WBP2: variants seen among roughly 807,000 people sequenced by gnomAD.
WBP2 encodes the protein WW domain-binding protein 2.
WBP2 carries 23 observed loss-of-function variants against 33.0 expected under a neutral mutation model. The ratio of observed to expected loss-of-function variants is 0.70; its 90% CI spans 0.50 to 0.99. The LOEUF is 0.99. WBP2 is among the 50% of genes least tolerant of loss of function. The probability of loss-of-function intolerance (pLI) is 0.00; values close to 1 mark genes in which losing one functional copy is unlikely to be tolerated. For synonymous variants in WBP2, 153 were observed against 133.5 expected (o/e 1.15, Z -1.01); for missense variants, 353 against 358.0 (o/e 0.99, Z 0.11).
chr17:75,846,723 G>A lies in WBP2; in HGVS notation c.*11C>T, dbSNP rs1337136606. On this transcript the variant is annotated 3_prime_UTR_variant, in exon 8 of 8. Coordinates refer to ENST00000254806, the MANE Select transcript of WBP2 (RefSeq NM_012478.4). The surrounding 1 kb of genome is among the most constrained non-coding windows in gnomAD (Gnocchi z 4.8). ...GAGAGATGAGGGTGGGAGGCAGGGA[G>A]GCAGGAGGGCCTACTGGGTCTTCTT... 4 of 1,515,352 alleles carry A rather than the reference G, an allele frequency of 2.6e-6. No individual in the cohort carries two copies. The South Asian group carries it at 5.2e-5, about 20-fold the overall frequency. 93.9% of individuals were successfully genotyped at this position (1,515,352 alleles called of 1,614,324 possible).
chr17:75,848,513 AC>A lies in WBP2; in HGVS notation c.397+56del, dbSNP rs991993945. On this transcript the variant is annotated intron_variant, in intron 4 of 7. Coordinates refer to ENST00000254806, the MANE Select transcript of WBP2 (RefSeq NM_012478.4). ...CAAAACGAAAAGGAAGCAAACTCAT[AC>A]CAAACCCCTACATGTTTAGTGTGTC... 5 of 1,538,204 alleles carry A rather than the reference AC, an allele frequency of 3.3e-6. No individual in the cohort carries two copies. In the African/African-American group the frequency reaches 6.9e-5, roughly 21 times the overall value.
Position 75,850,419 on chromosome 17 carries a change from G to A in WBP2, c.169-680C>T, listed in dbSNP as rs572582574. Among the ~76,000 whole-genome samples, 36 of 152,116 alleles carry A rather than the reference G, an allele frequency of 2.4e-4. No homozygotes were observed. In the East Asian group the frequency reaches 6.0e-3, roughly 25 times the overall value. ...CGCCACCATGCCCGGCTAATTTTTT[G>A]TAGTTTTAGGAGAGATGGGGTTTCA... On this transcript the variant is annotated intron_variant, in intron 2 of 7. Transcript: ENST00000254806.
chr17:75,847,535 G>C lies in WBP2; in HGVS notation c.607C>G (p.Pro203Ala). Residue 203 changes from proline (P) to alanine (A), a missense_variant, in exon 6 of 8, where the codon CCC (proline) becomes GCC (alanine). Physicochemically the swap from Pro to Ala is conservative, Grantham distance 27 (BLOSUM62 -1). Transcript: ENST00000254806. ...VQPPPPPYPG[P>A]MEPPVSGPDV... ...GGGCCGCTGACCGGAGGTTCCATGG[G>C]CCCAGGGTAGGGCGGTGGTGGGGGC... 1 of 1,597,774 alleles carries C rather than the reference G, an allele frequency of 6.3e-7. No homozygotes were observed. The highest frequency in any genetic ancestry group is 2.2e-5 in the East Asian group (1 of 44,722).
chr17:75,855,177 C>CCCCCCCCCCCCCCCCCCAA, intron 1 of WBP2, 62 bp downstream of exon 1: 1 of 1,371,934 alleles, frequency 7.3e-7, no homozygotes, highest in African/African-American at 1.5e-5. Context: ...ACCCACCACC[C>CCCCCCCCCCCCCCCCCCAA]ACCGCCCACT....
chr17:75,848,676 G>A lies in WBP2; in HGVS notation c.305-14C>T, dbSNP rs750896698. Reference sequence around the variant, plus strand: ...CTTCCCAGCCACCTGAAAGGGGAAGGACAGTGAATAAACAGCACAGGAAAA... The same window carrying A: ...CTTCCCAGCCACCTGAAAGGGGAAGAACAGTGAATAAACAGCACAGGAAAA... On this transcript the variant is annotated splice_polypyrimidine_tract_variant and intron_variant, in intron 3 of 7. Transcript: ENST00000254806. The A allele has an allele frequency of 3.1e-6, 5 of 1,607,388 alleles. No individual in the cohort carries two copies. The highest frequency in any genetic ancestry group is 4.3e-6 in the Non-Finnish European group (5 of 1,175,098).
Position 75,849,635 on chromosome 17 carries a change from G to A in WBP2, c.273C>T (p.Tyr91=), listed in dbSNP as rs532103125. The change falls in exon 3 of 8, where the codon TAC becomes TAT. Residue 91 remains tyrosine, a synonymous_variant. Coordinates refer to ENST00000254806, the MANE Select transcript of WBP2 (RefSeq NM_012478.4). The part of the protein sequence containing the change: ...EIKQPVFGAN[Y]IKGTVKAEAG... ...CTTCCGCCTTCACTGTTCCCTTGAT[G>A]TAGTTTGCACCAAATACGGGCTGCT... The A allele has an allele frequency of 6.0e-5, 97 of 1,614,150 alleles. No individual in the cohort carries two copies. The South Asian group carries it at 8.8e-4, about 15-fold the overall frequency.
intron 2 of WBP2, among the ~76,000 whole-genome samples, chr17:75,850,240 CTTT>C (rs1293703254): frequency 2.3e-4 from 22 of 96,146 alleles, no homozygotes; most frequent in Admixed American, 8.7e-4. Flanking sequence ...TTTATTTTTT[CTTT>C]TCTTTTCTTT....
chr17:75,855,189 C>A, intron 1 of WBP2, 50 bp downstream of exon 1: 42 of 803,872 alleles, frequency 5.2e-5, no homozygotes, highest in Non-Finnish European at 7.6e-5. Flanking sequence ...CCGCCCACTT[C>A]CTCGACACCC....
Position 75,848,559 on chromosome 17 carries a change from A to G in WBP2, c.397+11T>C, listed in dbSNP as rs2065009227. The G allele has an allele frequency of 6.2e-7, 1 of 1,612,874 alleles. No homozygotes were observed. The highest frequency in any genetic ancestry group is 1.1e-5 in the South Asian group (1 of 90,956). ...TGTGTCTTTAGCCCCTAATCTTCGGAGCCTGGATACCTTGAGATGCCACCT... is the reference window on the plus strand; with the variant it reads ...TGTGTCTTTAGCCCCTAATCTTCGGGGCCTGGATACCTTGAGATGCCACCT... On this transcript the variant is annotated intron_variant, in intron 4 of 7. Transcript: ENST00000254806.
chr17:75,849,524 C>T (rs924280388), intron 3 of WBP2, 80 bp downstream of exon 3: 122 of 1,554,974 alleles, frequency 7.8e-5, no homozygotes, highest in South Asian at 1.7e-4. Flanking sequence ...CTGAAGGGGA[C>T]GCCCCCACGG....
At chr17:75,851,344 T>C (rs529188766) in intron 2 of WBP2, 5 of 432,454 alleles carry the variant, frequency 1.2e-5, no homozygotes, top group African/African-American at 7.9e-5. Flanking sequence ...GGCTCTGGAA[T>C]TGACATGGGT....
chr17:75,855,177 C>CCCCCCCCCCAA, intron 1 of WBP2, 62 bp downstream of exon 1: 3 of 1,371,930 alleles, frequency 2.2e-6, no homozygotes, highest in Non-Finnish European at 3.1e-6. Flanking sequence ...ACCCACCACC[C>CCCCCCCCCCAA]ACCGCCCACT....
intron 2 of WBP2, among the ~76,000 whole-genome samples, chr17:75,850,227 G>A (rs1349449909): frequency 1.3e-5 from 2 of 149,472 alleles, no homozygotes; most frequent in Non-Finnish European, 3.0e-5. Context: ...GAAACCCTTG[G>A]GTTTTATTTT....
At chr17:75,847,107 G>T in intron 6 of WBP2, 123 bp from the exon 7 acceptor site, 1 of 1,082,850 alleles carries the variant, frequency 9.2e-7, no homozygotes, top group Non-Finnish European at 1.4e-6. Context: ...ACCAATGAGA[G>T]CAGCAGGTGA....
chr17:75,848,479 T>C, intron 4 of WBP2, 91 bp downstream of exon 4: 2 of 1,299,568 alleles, frequency 1.5e-6, no homozygotes, highest in Non-Finnish European at 2.2e-6. Context: ...TCTTGAGTTC[T>C]TGAAAAAGCA....
intron 1 of WBP2, among the ~76,000 whole-genome samples, chr17:75,853,251 G>C (rs1007953191): frequency 6.6e-6 from 1 of 152,014 alleles, no homozygotes. Flanking sequence ...TTACCATGTT[G>C]GTCAGGCGGG....
In WBP2 at chr17:75,846,790, A is replaced by G. The variant is rs369477535; in HGVS notation, c.733-3T>C. 6.4e-7 allele frequency: 1 copy of G among 1,568,198 alleles called. No individual in the cohort carries two copies. The highest frequency in any genetic ancestry group is 1.4e-5 in the African/African-American group (1 of 73,830). Reference sequence around the variant, plus strand: ...TAGGGAGGTGGCGGCGGCTGGCTCTAAAGAAGGGAGAAAGGAGAGACTTGC... The same window carrying G: ...TAGGGAGGTGGCGGCGGCTGGCTCTGAAGAAGGGAGAAAGGAGAGACTTGC... On this transcript the variant is annotated splice_region_variant and splice_polypyrimidine_tract_variant and intron_variant, in intron 7 of 7. Coordinates refer to ENST00000254806, the MANE Select transcript of WBP2 (RefSeq NM_012478.4). This position sits in a 1 kb window ranked among gnomAD's most constrained non-coding sequence, Gnocchi z 4.8.
In WBP2 at chr17:75,847,550, G is replaced by T. The variant is rs577649493; in HGVS notation, c.592C>A (p.Pro198Thr). Residue 198 changes from proline (P) to threonine (T), a missense_variant, in exon 6 of 8, where the codon CCG becomes ACG. By Grantham distance (38) the Pro-to-Thr change is conservative (BLOSUM62 -1). Transcript: ENST00000254806. ...GAMGYVQPPP[P>T]PYPGPMEPPV... Reference sequence around the variant, plus strand: ...GGTTCCATGGGCCCAGGGTAGGGCGGTGGTGGGGGCTGCACGTATCCCATG... The same window carrying T: ...GGTTCCATGGGCCCAGGGTAGGGCGTTGGTGGGGGCTGCACGTATCCCATG... The T allele has an allele frequency of 7.5e-6, 12 of 1,602,760 alleles. No homozygotes were observed. Among genetic ancestry groups the T allele is most frequent in the Admixed American group, 5.1e-5 (3 of 58,588 alleles).
rs764529940 is a variant in WBP2, at chr17:75,851,673, G to T, written c.63C>A (p.Ile21=). Reference sequence around the variant, plus strand: ...GTTCCACGTGATCATAGGACATTAGGATGCTGTGATGAGAAAAGAGGAAAA... The same window carrying T: ...GTTCCACGTGATCATAGGACATTAGTATGCTGTGATGAGAAAAGAGGAAAA... ...GGVIVNNTES[I]LMSYDHVELT... Residue 21 remains isoleucine (I), a synonymous_variant, in exon 2 of 8, where the codon ATC becomes ATA. Transcript: ENST00000254806. The T allele has an allele frequency of 2.5e-6, 4 of 1,611,228 alleles. No homozygotes were observed.
Sources: gnomAD v4.1 joint callset for allele counts (sites outside exome capture counted in the v4.1 genomes callset) on GRCh38, gnomAD v4.1.1 for gene constraint, Gnocchi (gnomAD v3.1) non-coding constraint, MANE v1.5 for transcripts, NCBI Gene and HGNC (gene_info 2026-07-23, HGNC 2026-07-21) for gene names.